Variants in MOCOS observed in about 807,000 individuals in gnomAD.
The protein encoded by MOCOS is human molybdenum cofactor sulfurase.
Under a neutral mutation model 83.6 loss-of-function variants are expected in MOCOS, and 86 were observed. The observed-to-expected ratio is 1.03, with a 90% CI of 0.86 to 1.23. The LOEUF is 1.23. MOCOS is among the 50% of genes most tolerant of loss of function. The pLI, the probability that MOCOS is intolerant of heterozygous loss-of-function variation, is 0.00. For missense variants in MOCOS, 1,120 were observed against 1,126.9 expected (o/e 0.99, Z 0.09); for synonymous variants, 445 against 434.7 (o/e 1.02, Z -0.29).
At chr18:36,257,449 TCA>T (rs1424031706) in intron 12 of MOCOS, among the ~76,000 whole-genome samples, 1 of 152,172 alleles carries the variant, frequency 6.6e-6, no homozygotes, top group Non-Finnish European at 1.5e-5. Context: ...CTGCCCTACT[TCA>T]CACAGTCATT....
Position 36,188,533 on chromosome 18 carries a change from C to A in MOCOS, c.142+852C>A, listed in dbSNP as rs373370585. ...TTCATCAAGCCCCAGGGCCGCGTGC[C>A]GGATGGTCAAGGAGGGTGTGCAGGT... On this transcript the variant is annotated intron_variant, in intron 1 of 14. Coordinates refer to ENST00000261326, the MANE Select transcript of MOCOS (RefSeq NM_017947.4). Among the ~76,000 whole-genome samples, 3 of 152,302 alleles carry A rather than the reference C, an allele frequency of 2.0e-5. No homozygotes were observed. In the South Asian group the frequency reaches 6.2e-4, roughly 32 times the overall value.
At chr18:36,192,954 C>T (rs1229010069) in intron 1 of MOCOS, among the ~76,000 whole-genome samples, 1 of 152,126 alleles carries the variant, frequency 6.6e-6, no homozygotes, top group Non-Finnish European at 1.5e-5. Context: ...GACCTCAAAG[C>T]AATCTTGAAA....
chr18:36,222,509 T>C (rs2091500015), intron 9 of MOCOS, among the ~76,000 whole-genome samples: 1 of 152,154 alleles, frequency 6.6e-6, no homozygotes, highest in Admixed American at 6.6e-5. Flanking sequence ...TTAAACATTT[T>C]CCATATACCC....
In MOCOS at chr18:36,205,045, A is replaced by G. The variant is rs766286305; in HGVS notation, c.1019-32A>G. ...TGAATTGAGAATTTACATAAAGCTC[A>G]TGATTCTCTTGTGTTTCATGATTGA... On this transcript the variant is annotated intron_variant, in intron 5 of 14. Coordinates refer to ENST00000261326, the MANE Select transcript of MOCOS (RefSeq NM_017947.4). 1.4e-5 allele frequency: 22 copies of G among 1,534,274 alleles called. No homozygotes were observed. In the Admixed American group the frequency reaches 3.7e-4, roughly 26 times the overall value.
intron 4 of MOCOS, among the ~76,000 whole-genome samples, chr18:36,201,836 C>T (rs1427274711): frequency 1.1e-4 from 17 of 151,950 alleles, no homozygotes; most frequent in Non-Finnish European, 2.9e-5. Context: ...CTCTTGACTC[C>T]AAGTGTGATA....
intron 1 of MOCOS, among the ~76,000 whole-genome samples, chr18:36,194,683 C>T (rs1003411392): frequency 9.9e-5 from 15 of 152,228 alleles, no homozygotes; most frequent in Non-Finnish European, 1.3e-4. Context: ...GAGCTTGTTT[C>T]GCCACAGCTT....
Position 36,200,007 on chromosome 18 carries a change from A to G in MOCOS, c.624A>G (p.Gly208=). The G allele has an allele frequency of 6.2e-7, 1 of 1,614,174 alleles. No individual in the cohort carries two copies. The highest frequency in any genetic ancestry group is 8.5e-7 in the Non-Finnish European group (1 of 1,180,038). Residue 208 remains glycine, a synonymous_variant, in exon 4 of 15, where the codon GGA becomes GGG. Transcript: ENST00000261326. ...ACCCAGCTCAGAGTAACTTTTCTGG[A>G]GTCAGATACCCCCTGTCCTGGATAG... is the stretch of plus-strand genomic sequence containing the variant. ...FCYPAQSNFS[G]VRYPLSWIEE...
Position 36,217,515 on chromosome 18 carries a change from T to A in MOCOS, c.1797+1538T>A, listed in dbSNP as rs189054776. On this transcript the variant is annotated intron_variant, in intron 8 of 14. Coordinates refer to ENST00000261326, the MANE Select transcript of MOCOS (RefSeq NM_017947.4). Reference sequence around the variant, plus strand: ...TTCTGTGGTTGGAACTCTGAACCTTTGCCTTTGTCCACACCCTTCTTCAGC... The same window carrying A: ...TTCTGTGGTTGGAACTCTGAACCTTAGCCTTTGTCCACACCCTTCTTCAGC... 3.9e-3 allele frequency among the ~76,000 whole-genome samples: 594 copies of A among 152,266 alleles called. 3 individuals carry two copies. The highest frequency in any genetic ancestry group is 6.5e-3 in the Non-Finnish European group (440 of 68,002).
intron 2 of MOCOS, 65 bp from the exon 3 acceptor site, chr18:36,198,625 A>G (rs909669874): frequency 2.0e-6 from 3 of 1,519,776 alleles, no homozygotes; most frequent in East Asian, 2.2e-5. Context: ...GAGTGGATTC[A>G]GAAGGAACAC....
At chr18:36,259,797 C>T in intron 12 of MOCOS, among the ~76,000 whole-genome samples, 1 of 152,194 alleles carries the variant, frequency 6.6e-6, no homozygotes, top group Non-Finnish European at 1.5e-5. Context: ...CTTTGCCTGG[C>T]TCTTGTGGGA....
chr18:36,195,481 C>T, intron 2 of MOCOS, 135 bp downstream of exon 2: 1 of 796,484 alleles, frequency 1.3e-6, no homozygotes, highest in Non-Finnish European at 2.1e-6. Flanking sequence ...AAGATAGGGG[C>T]CAGGCAAGCA....
At chr18:36,192,712 A>G (rs1415965670) in intron 1 of MOCOS, among the ~76,000 whole-genome samples, 1 of 152,154 alleles carries the variant, frequency 6.6e-6, no homozygotes, top group East Asian at 1.9e-4. Flanking sequence ...CAGTGGTGCA[A>G]TCTCAGCTCA....
intron 8 of MOCOS, among the ~76,000 whole-genome samples, chr18:36,218,609 G>T (rs373329643): frequency 6.6e-6 from 1 of 151,914 alleles, no homozygotes. Flanking sequence ...TGAACTCCTG[G>T]TCTCAAGCTA....
intron 9 of MOCOS, among the ~76,000 whole-genome samples, chr18:36,224,168 T>C (rs1204041941): frequency 6.6e-6 from 1 of 152,192 alleles, no homozygotes; most frequent in East Asian, 1.9e-4. Context: ...CATTTATTAG[T>C]TTAACAGTTT....
intron 9 of MOCOS, among the ~76,000 whole-genome samples, chr18:36,227,703 A>T (rs2091523151): frequency 6.6e-6 from 1 of 152,176 alleles, no homozygotes. Context: ...GCCCATGCCC[A>T]ACTAAATTTT....
rs1299795075 is a variant in MOCOS at position 36,266,770 on chromosome 18, T to A, written c.2431T>A (p.Cys811Ser). The A allele has an allele frequency of 6.2e-7, 1 of 1,614,062 alleles. No homozygotes were observed. The highest frequency in any genetic ancestry group is 1.1e-5 in the South Asian group (1 of 91,082). ...CCAGGTTTTGGGGCCTTGTCACAGA[T>A]GCCAGATGATTTGCATCGACCAGCA... The part of the protein sequence containing the change: ...RFQVLGPCHR[C>S]QMICIDQQTG... Residue 811 changes from cysteine (C) to serine (S), a missense_variant, in exon 14 of 15, where the codon TGC becomes AGC. Transcript: ENST00000261326.
chr18:36,268,603 C>A lies in MOCOS; in HGVS notation c.2585C>A (p.Ser862Tyr), dbSNP rs767082850. Residue 862 changes from serine (S) to tyrosine (Y), a missense_variant, in exon 15 of 15, where the codon TCT becomes TAT. Ser to Tyr is a moderately radical substitution (Grantham distance 144). Transcript: ENST00000261326. ...LSSPCFLSVG[S>Y]QVLPVLKENV... ...TCCCCATGTTTCCTGTCTGTAGGAT[C>A]TCAGGTGCTCCCTGTGTTGAAAGAG... 1.9e-6 allele frequency: 3 copies of A among 1,614,106 alleles called. No individual in the cohort carries two copies. In the South Asian group the frequency reaches 3.3e-5, roughly 18 times the overall value.
chr18:36,199,159 C>G (rs2091401651), intron 3 of MOCOS, among the ~76,000 whole-genome samples: 1 of 152,048 alleles, frequency 6.6e-6, no homozygotes, highest in Non-Finnish European at 1.5e-5. Context: ...TCCCTTTTCC[C>G]CCCTTTTTTA....
chr18:36,260,309 G>T, intron 13 of MOCOS, 134 bp downstream of exon 13: 3 of 1,178,414 alleles, frequency 2.5e-6, no homozygotes, highest in East Asian at 4.7e-5. Context: ...TTGGTGGGAG[G>T]TTATGTAAGC....
Sources: allele counts gnomAD v4.1 joint callset (sites outside exome capture counted in the v4.1 genomes callset), GRCh38; gene constraint gnomAD v4.1.1; transcripts MANE v1.5; gene names NCBI Gene and HGNC (gene_info 2026-07-23, HGNC 2026-07-21).